Variants in LTBP1 observed in about 807,000 individuals in gnomAD.
The protein encoded by LTBP1 is latent transforming growth factor beta binding protein 1.
A neutral mutation model predicts 207.6 loss-of-function variants in LTBP1; 129 were observed. That is an observed-to-expected ratio of 0.62 (90% CI 0.54 to 0.72). LTBP1 has a LOEUF of 0.72. LTBP1 is among the 30% of genes least tolerant of loss of function. The pLI is 0.00. For synonymous variants in LTBP1, 963 were observed against 833.7 expected, an observed-to-expected ratio of 1.16 and a Z score of -2.67; for missense variants, 2,281 against 2,217.2, an observed-to-expected ratio of 1.03 and a Z score of -0.58.
chr2:33,290,407 C>A (rs1270579816), intron 19 of LTBP1, among the ~76,000 whole-genome samples: 2 of 152,188 alleles, frequency 1.3e-5, no homozygotes, highest in Non-Finnish European at 2.9e-5. Context: ...ATCATTACCA[C>A]CCAGGGCCCC....
At chr2:33,351,642 C>G (rs1272946773) in intron 26 of LTBP1, among the ~76,000 whole-genome samples, 1 of 152,202 alleles carries the variant, frequency 6.6e-6, no homozygotes, top group Non-Finnish European at 1.5e-5. Context: ...TCTGACTTTT[C>G]ATCTAAGTGA....
At chr2:33,232,985 T>A (rs1484899756) in intron 9 of LTBP1, among the ~76,000 whole-genome samples, 1 of 152,180 alleles carries the variant, frequency 6.6e-6, no homozygotes, top group Non-Finnish European at 1.5e-5. Context: ...TCTTTTGAGA[T>A]AATCTCCTAA....
intron 2 of LTBP1, among the ~76,000 whole-genome samples, chr2:32,982,796 G>C (rs942392440): frequency 5.9e-5 from 9 of 152,212 alleles, no homozygotes; most frequent in Admixed American, 2.6e-4. Context: ...AAGAATTGAG[G>C]TTTGGGAACC....
intron 3 of LTBP1, among the ~76,000 whole-genome samples, chr2:33,088,959 C>G (rs2078912853): frequency 6.6e-6 from 1 of 151,748 alleles, no homozygotes; most frequent in Non-Finnish European, 1.5e-5. Context: ...AGTTTGAGAC[C>G]AGCCTGGCCA....
At chr2:33,198,614 G>T (rs528629119) in intron 7 of LTBP1, among the ~76,000 whole-genome samples, 9 of 152,186 alleles carry the variant, frequency 5.9e-5, no homozygotes, top group Admixed American at 5.9e-4. Context: ...ACTTCTTCCT[G>T]GTTTAGTCTT....
intron 7 of LTBP1, among the ~76,000 whole-genome samples, chr2:33,201,365 A>G (rs2089240832): frequency 6.6e-6 from 1 of 152,084 alleles, no homozygotes; most frequent in Non-Finnish European, 1.5e-5. Context: ...TTCTCAGTAA[A>G]CTATGGCAAG....
chr2:33,226,159 G>A (rs1380390623), intron 9 of LTBP1, among the ~76,000 whole-genome samples: 1 of 152,152 alleles, frequency 6.6e-6, no homozygotes, highest in Admixed American at 6.5e-5. Context: ...GTTGAGAGAG[G>A]TGTTAAAATT....
chr2:32,995,513 G>A (rs1685123284), intron 2 of LTBP1, among the ~76,000 whole-genome samples: 1 of 152,172 alleles, frequency 6.6e-6, no homozygotes, highest in South Asian at 2.1e-4. Flanking sequence ...CGGGCGCGGT[G>A]GCTCACGCCT....
intron 3 of LTBP1, among the ~76,000 whole-genome samples, chr2:33,082,204 C>A (rs2078450949): frequency 6.6e-6 from 1 of 152,162 alleles, no homozygotes; most frequent in African/African-American, 2.4e-5. Flanking sequence ...CTCTTGCCCT[C>A]TCTTTGCTTT....
chr2:33,246,175 C>G (rs528574188), intron 10 of LTBP1, among the ~76,000 whole-genome samples: 16 of 152,150 alleles, frequency 1.1e-4, no homozygotes, highest in Non-Finnish European at 1.9e-4. Context: ...GTTGAGAGTT[C>G]GAAGTGAAAA....
In LTBP1 at chr2:33,363,484, G is replaced by A; in HGVS notation, c.4365G>A (p.Gly1455=). The A allele has an allele frequency of 1.2e-6, 2 of 1,613,902 alleles. No homozygotes were observed. Among genetic ancestry groups the A allele is most frequent in the Non-Finnish European group, 1.7e-6 (2 of 1,179,842 alleles). The part of the protein sequence containing the change: ...RPGYECYCKQ[G]TYYDPVKLQC... ...GGTATGAATGCTACTGTAAGCAAGG[G>A]ACGTACTATGATCCTGTGAAACTGC... Residue 1455 remains glycine, a synonymous_variant, in exon 29 of 34, where the codon GGG becomes GGA. Coordinates refer to ENST00000404816, the MANE Select transcript of LTBP1 (RefSeq NM_206943.4).
chr2:33,115,256 A>G (rs1340138880), intron 4 of LTBP1, among the ~76,000 whole-genome samples: 2 of 152,188 alleles, frequency 1.3e-5, no homozygotes, highest in Non-Finnish European at 2.9e-5. Context: ...AATCCAGACT[A>G]CATGCTATAT....
intron 2 of LTBP1, among the ~76,000 whole-genome samples, chr2:32,959,597 GTATA>G (rs71407487): frequency 1.5e-4 from 9 of 58,326 alleles, no homozygotes; most frequent in African/African-American, 4.8e-4. Flanking sequence ...ATATGTACGT[GTATA>G]TATATATATA....
At chr2:32,998,256 G>T (rs907821843) in intron 2 of LTBP1, among the ~76,000 whole-genome samples, 2 of 151,990 alleles carry the variant, frequency 1.3e-5, no homozygotes, top group African/African-American at 4.8e-5. Flanking sequence ...GGTGGCTCAC[G>T]CCTGTAATCC....
intron 5 of LTBP1, among the ~76,000 whole-genome samples, chr2:33,151,820 ATTTTGTGTGTGTGT>A (rs2083550646): frequency 1.7e-5 from 2 of 118,962 alleles, no homozygotes; most frequent in Admixed American, 9.1e-5. Flanking sequence ...GTAGTATTCC[ATTTTGTGTGTGTGT>A]GTGTGTGTGT....
chr2:33,292,041 G>C (rs2148825891), intron 19 of LTBP1, among the ~76,000 whole-genome samples: 1 of 152,216 alleles, frequency 6.6e-6, no homozygotes, highest in African/African-American at 2.4e-5. Context: ...TGTATGTGTA[G>C]TTTTAGCATT....
At chr2:33,280,267 T>C in intron 19 of LTBP1, 109 bp downstream of exon 19, 1 of 1,137,188 alleles carries the variant, frequency 8.8e-7, no homozygotes, top group Non-Finnish European at 1.2e-6. Flanking sequence ...AAAAATGAAA[T>C]CTTACATCAT....
At chr2:33,124,475 G>T (rs2081326883) in intron 4 of LTBP1, among the ~76,000 whole-genome samples, 1 of 152,142 alleles carries the variant, frequency 6.6e-6, no homozygotes, top group South Asian at 2.1e-4. Context: ...ACAGCTGGTT[G>T]ATGTTCATTA....
chr2:33,126,604 A>G (rs218205), intron 4 of LTBP1, among the ~76,000 whole-genome samples: 9,544 of 152,294 alleles, frequency 0.063, 342 homozygotes, highest in African/African-American at 0.099. Context: ...ACAACTATAC[A>G]TCAGTAATTT....
Sources: gnomAD v4.1 joint callset for allele counts (sites outside exome capture counted in the v4.1 genomes callset) on GRCh38, gnomAD v4.1.1 for gene constraint, MANE v1.5 for transcripts, NCBI Gene and HGNC (gene_info 2026-07-23, HGNC 2026-07-21) for gene names.